Variants in DCHS2 observed in about 807,000 individuals in gnomAD.
The protein encoded by DCHS2 is protocadherin-23.
A neutral mutation model predicts 182.4 loss-of-function variants in DCHS2; 142 were observed. The observed-to-expected ratio is 0.78, with a 90% confidence interval of 0.68 to 0.89. The LOEUF is 0.89. Among genes scored for constraint, DCHS2 ranks in the 40% least tolerant of loss-of-function variants. The pLI, the probability that DCHS2 is intolerant of heterozygous loss-of-function variation, is 0.00. For synonymous variants in DCHS2, 1,740 were observed against 1,663.3 expected, an observed-to-expected ratio of 1.05 and a Z score of -1.12; for missense variants, 4,319 against 4,198.6, an observed-to-expected ratio of 1.03 and a Z score of -0.79.
chr4:154,379,643 A>G (rs902145681), intron 1 of DCHS2, among the ~76,000 whole-genome samples: 1 of 152,184 alleles, frequency 6.6e-6, no homozygotes, highest in Non-Finnish European at 1.5e-5. Context: ...AGACAATTTC[A>G]TCACCTACAA....
Position 154,298,237 on chromosome 4 carries a change from A to G in DCHS2, c.6077T>C (p.Val2026Ala). ...ATTGTCATTAACATCAGTGACATAT[A>G]CTTTTATAATTACAGTGGTGCTTCG... ...GSRSTTVIIKVYVTDVNDNDP... is the reference protein window; with the variant it reads ...GSRSTTVIIKAYVTDVNDNDP... Residue 2026 changes from valine to alanine, a missense_variant, in exon 13 of 20, where the codon GTA becomes GCA. Physicochemically the swap from Val to Ala is moderately conservative, Grantham distance 64 (BLOSUM62 0). Transcript: ENST00000357232. 6.2e-7 allele frequency: 1 copy of G among 1,614,138 alleles called. No homozygotes were observed. Among genetic ancestry groups the G allele is most frequent in the Non-Finnish European group, 8.5e-7 (1 of 1,180,008 alleles).
chr4:154,332,437 C>A (rs780446973), intron 5 of DCHS2, 41 bp downstream of exon 5: 8 of 1,504,752 alleles, frequency 5.3e-6, no homozygotes, highest in Admixed American at 4.0e-5. Context: ...TAGTACTGAA[C>A]CCTCATTTTA....
At chr4:154,296,103 T>C (rs1160029977) in intron 13 of DCHS2, among the ~76,000 whole-genome samples, 1 of 152,162 alleles carries the variant, frequency 6.6e-6, no homozygotes, top group South Asian at 2.1e-4. Flanking sequence ...ATGAAATGCA[T>C]GAAGTTGTGA....
chr4:154,458,449 G>GTTCA (rs1480396649), intron 1 of DCHS2, among the ~76,000 whole-genome samples: 10 of 152,094 alleles, frequency 6.6e-5, no homozygotes, highest in Admixed American at 4.6e-4. Flanking sequence ...ATATTCTCTT[G>GTTCA]TTCATTATAT....
In DCHS2 at chr4:154,491,062, C is replaced by T. The variant is rs1293175124; in HGVS notation, c.294G>A (p.Gly98=). ...AGTCCTCCGACAGAAAGAAGCCGCTCCCCTCCTGCTGCTGCGCGGCCGGCA... is the reference window on the plus strand; with the variant it reads ...AGTCCTCCGACAGAAAGAAGCCGCTTCCCTCCTGCTGCTGCGCGGCCGGCA... ...AGLPAAQQQE[G]SGFFLSEDSD... Residue 98 remains glycine, a synonymous_variant, in exon 1 of 20, where the codon GGG becomes GGA. Transcript: ENST00000357232. 1 of 1,551,122 alleles carries T rather than the reference C, an allele frequency of 6.4e-7. No individual in the cohort carries two copies. The highest frequency in any genetic ancestry group is 8.7e-7 in the Non-Finnish European group (1 of 1,146,932).
chr4:154,463,692 T>TTCTC lies in DCHS2; in HGVS notation c.2052+25608_2052+25611dup, dbSNP rs5863102. 3.5e-3 allele frequency among the ~76,000 whole-genome samples: 503 copies of TTCTC among 145,368 alleles called. 4 individuals are homozygous for TTCTC. Among genetic ancestry groups the TTCTC allele is most frequent in the African/African-American group, 0.012 (476 of 39,474 alleles). On this transcript the variant is annotated intron_variant, in intron 1 of 19. Coordinates refer to ENST00000357232, the MANE Select transcript of DCHS2 (RefSeq NM_001358235.2). ...AAAATCCTGTAAGCTATTCTCTCTTTTCTCTCTCTCTCTCTCTCTCTCTCT... is the reference window on the plus strand; with the variant it reads ...AAAATCCTGTAAGCTATTCTCTCTTTTCTCTCTCTCTCTCTCTCTCTCTCTCTCT...
intron 1 of DCHS2, among the ~76,000 whole-genome samples, chr4:154,469,106 C>T (rs1285145635): frequency 6.6e-6 from 1 of 152,024 alleles, no homozygotes. Context: ...TATATTTATA[C>T]TTGCTTGTAT....
At chr4:154,290,299 A>G (rs1379165104) in intron 13 of DCHS2, among the ~76,000 whole-genome samples, 1 of 152,082 alleles carries the variant, frequency 6.6e-6, no homozygotes, top group African/African-American at 2.4e-5. Context: ...AGGAGGCTTC[A>G]CAAAAAAGGA....
At chr4:154,370,148 T>C (rs978497261) in intron 2 of DCHS2, among the ~76,000 whole-genome samples, 2 of 151,958 alleles carry the variant, frequency 1.3e-5, no homozygotes, top group Admixed American at 1.3e-4. Context: ...GGTTCCAGCT[T>C]CTTAAAGGGG....
intron 1 of DCHS2, among the ~76,000 whole-genome samples, chr4:154,486,150 C>T (rs769714258): frequency 1.3e-5 from 2 of 152,162 alleles, no homozygotes; most frequent in Non-Finnish European, 2.9e-5. Context: ...TTGTAAAAAC[C>T]TTTTGCAGCT....
chr4:154,315,706 C>T, intron 10 of DCHS2, 42 bp downstream of exon 10: 3 of 1,592,254 alleles, frequency 1.9e-6, no homozygotes, highest in South Asian at 1.1e-5. Flanking sequence ...TCTTCAATTT[C>T]TTTTAAGCAT....
chr4:154,355,085 G>A (rs1019018089), intron 3 of DCHS2, among the ~76,000 whole-genome samples: 1 of 151,930 alleles, frequency 6.6e-6, no homozygotes, highest in Non-Finnish European at 1.5e-5. Flanking sequence ...TCTTGAATAG[G>A]GGCTGGGTAA....
Position 154,419,137 on chromosome 4 carries a change from T to C in DCHS2, c.2053-41693A>G, listed in dbSNP as rs188706185. On this transcript the variant is annotated intron_variant, in intron 1 of 19. Coordinates refer to ENST00000357232, the MANE Select transcript of DCHS2 (RefSeq NM_001358235.2). ...GCCATCAGTGACGCATTTTGCAAAATGGTAAAGTTACAAATAAAGTTTCAT... is the reference window on the plus strand; with the variant it reads ...GCCATCAGTGACGCATTTTGCAAAACGGTAAAGTTACAAATAAAGTTTCAT... Among the ~76,000 whole-genome samples the C allele has an allele frequency of 2.0e-5, 3 of 152,334 alleles. No individual in the cohort carries two copies. The East Asian group carries it at 5.8e-4, about 29-fold the overall frequency.
At chr4:154,394,843 G>A (rs751902259) in intron 1 of DCHS2, among the ~76,000 whole-genome samples, 3 of 152,190 alleles carry the variant, frequency 2.0e-5, no homozygotes, top group Non-Finnish European at 4.4e-5. Flanking sequence ...TTTCCCTCAA[G>A]TCTCAAAACT....
At chr4:154,261,022 G>A (rs781618904) in intron 14 of DCHS2, among the ~76,000 whole-genome samples, 4 of 151,838 alleles carry the variant, frequency 2.6e-5, no homozygotes, top group Admixed American at 1.3e-4. Context: ...TAAAATTTCC[G>A]ACTCAATGTA....
chr4:154,462,644 A>C (rs1735058279), intron 1 of DCHS2, among the ~76,000 whole-genome samples: 1 of 152,194 alleles, frequency 6.6e-6, no homozygotes, highest in Non-Finnish European at 1.5e-5. Flanking sequence ...TGTATATACA[A>C]ATTGACAACT....
In DCHS2 at chr4:154,333,023, G is replaced by C; in HGVS notation, c.3185C>G (p.Pro1062Arg). ...TLRAEDQGVHPQAALLVLTVV... is the reference protein window; with the variant it reads ...TLRAEDQGVHRQAALLVLTVV... ...TGTCAGCACCAGCAGGGCTGCCTGAGGATGCACGCCTTGGTCCTCGGCCCT... is the reference window on the plus strand; with the variant it reads ...TGTCAGCACCAGCAGGGCTGCCTGACGATGCACGCCTTGGTCCTCGGCCCT... Residue 1062 changes from proline (P) to arginine (R), a missense_variant, in exon 5 of 20, where the codon CCT becomes CGT. By Grantham distance (103) the Pro-to-Arg change is moderately radical. Coordinates refer to ENST00000357232, the MANE Select transcript of DCHS2 (RefSeq NM_001358235.2). 6.2e-7 allele frequency: 1 copy of C among 1,614,158 alleles called. No individual in the cohort carries two copies. The highest frequency in any genetic ancestry group is 8.5e-7 in the Non-Finnish European group (1 of 1,180,004).
chr4:154,395,204 G>A (rs1458483768), intron 1 of DCHS2, among the ~76,000 whole-genome samples: 1 of 152,176 alleles, frequency 6.6e-6, no homozygotes, highest in Non-Finnish European at 1.5e-5. Context: ...ACATCATTAA[G>A]TATGAGTACC....
At chr4:154,287,514 TCTGTCTC>T (rs1291435910) in intron 13 of DCHS2, among the ~76,000 whole-genome samples, 1 of 152,174 alleles carries the variant, frequency 6.6e-6, no homozygotes, top group Non-Finnish European at 1.5e-5. Flanking sequence ...GGAGCCTTAC[TCTGTCTC>T]CCAGGTTGGA....
Sources: allele counts gnomAD v4.1 joint callset (sites outside exome capture counted in the v4.1 genomes callset), GRCh38; gene constraint gnomAD v4.1.1; transcripts MANE v1.5; gene names NCBI Gene and HGNC (gene_info 2026-07-23, HGNC 2026-07-21).